Variants in PRKG1 observed in about 807,000 individuals in gnomAD.
The protein encoded by PRKG1 is protein kinase cGMP-dependent 1, also known as cGMP-dependent protein kinase 1.
Under a neutral mutation model 88.1 loss-of-function variants are expected in PRKG1, and 35 were observed. The observed-to-expected ratio is 0.40, with a 90% confidence interval of 0.30 to 0.53. The LOEUF (loss-of-function observed/expected upper bound fraction) is 0.53, where lower values mean the gene tolerates loss of function less well. Among genes scored for constraint, PRKG1 ranks in the 20% least tolerant of loss-of-function variants. The pLI, the probability that PRKG1 is intolerant of heterozygous loss-of-function variation, is 0.59. For synonymous variants in PRKG1, 303 were observed against 292.5 expected (o/e 1.04, Z -0.37); for missense variants, 540 against 839.8 (o/e 0.64, Z 4.41).
intron 12 of PRKG1, among the ~76,000 whole-genome samples, chr10:52,280,013 C>T (rs1415674634): frequency 6.6e-6 from 1 of 152,020 alleles, no homozygotes; most frequent in Non-Finnish European, 1.5e-5. Context: ...TTCAATCAAT[C>T]AATCAACATA....
At chr10:51,499,299 C>A (rs1351948486) in intron 3 of PRKG1, among the ~76,000 whole-genome samples, 1 of 152,132 alleles carries the variant, frequency 6.6e-6, no homozygotes, top group Non-Finnish European at 1.5e-5. Context: ...CAATACTTGG[C>A]ATTACCATAG....
chr10:52,076,158 G>A (rs1432219518), intron 7 of PRKG1, among the ~76,000 whole-genome samples: 1 of 152,122 alleles, frequency 6.6e-6, no homozygotes, highest in Non-Finnish European at 1.5e-5. Flanking sequence ...ATGGATCATG[G>A]ACCTAAATGT....
chr10:51,874,820 A>T (rs973083836), intron 4 of PRKG1, among the ~76,000 whole-genome samples: 2 of 152,150 alleles, frequency 1.3e-5, no homozygotes, highest in Admixed American at 1.3e-4. Context: ...TCTGAGCTTT[A>T]ATTTTCCCAC....
chr10:51,811,094 A>G (rs1839445016), intron 4 of PRKG1, among the ~76,000 whole-genome samples: 1 of 152,194 alleles, frequency 6.6e-6, no homozygotes, highest in Non-Finnish European at 1.5e-5. Context: ...CAGAGCTTAG[A>G]CTAAAACTCA....
chr10:51,036,815 C>A (rs953504947), intron 1 of PRKG1, among the ~76,000 whole-genome samples: 1 of 152,096 alleles, frequency 6.6e-6, no homozygotes, highest in Admixed American at 6.6e-5. Flanking sequence ...AGGGAAGGAA[C>A]CAATGTTTAG....
At chr10:51,930,431 A>G (rs1431219616) in intron 5 of PRKG1, among the ~76,000 whole-genome samples, 1 of 152,092 alleles carries the variant, frequency 6.6e-6, no homozygotes, top group African/African-American at 2.4e-5. Context: ...TAATTAGAAA[A>G]AAAGAATGCC....
At position 51,078,421 on chromosome 10, in the gene PRKG1, G is replaced by C. The variant is rs570069046; in HGVS notation, c.311+3520G>C. Among the ~76,000 whole-genome samples the C allele has an allele frequency of 6.2e-3, 906 of 145,748 alleles. 11 individuals carry two copies. Among genetic ancestry groups the C allele is most frequent in the African/African-American group, 0.022 (854 of 39,608 alleles). ...TTTTTTTTTTTTTTAGTAGAGATGG[G>C]GTTTCGCCATTTTGGCCAGGCTGAT... is the stretch of plus-strand genomic sequence containing the variant. On this transcript the variant is annotated intron_variant, in intron 1 of 17. Transcript: ENST00000373980.
chr10:51,718,800 G>A (rs1841945570), intron 3 of PRKG1, among the ~76,000 whole-genome samples: 1 of 151,492 alleles, frequency 6.6e-6, no homozygotes, highest in African/African-American at 2.4e-5. Context: ...CCAGGGGTGA[G>A]GGGAGTGGGG....
At chr10:52,219,426 A>G (rs1239078177) in intron 9 of PRKG1, among the ~76,000 whole-genome samples, 2 of 152,204 alleles carry the variant, frequency 1.3e-5, no homozygotes, top group Non-Finnish European at 2.9e-5. Context: ...CCAATGAGGT[A>G]GGATATAAAT....
intron 3 of PRKG1, among the ~76,000 whole-genome samples, chr10:51,513,578 T>C (rs79520812): frequency 0.43 from 28,508 of 65,724 alleles, 7,245 homozygotes; most frequent in Middle Eastern, 0.67. Flanking sequence ...TATTCCAAAA[T>C]TGACCACATA....
chr10:51,004,324 G>A (rs999678022), intron 1 of PRKG1, among the ~76,000 whole-genome samples: 22 of 152,058 alleles, frequency 1.4e-4, no homozygotes, highest in Admixed American at 4.6e-4. Flanking sequence ...TTATCCGGAC[G>A]TGGTGGTGCC....
At position 52,000,641 on chromosome 10, in the gene PRKG1, A is replaced by C. The variant is rs113542113; in HGVS notation, c.763-53843A>C. Among the ~76,000 whole-genome samples the C allele has an allele frequency of 3.9e-3, 587 of 152,162 alleles. 5 individuals carry two copies. The highest frequency in any genetic ancestry group is 0.013 in the African/African-American group (559 of 41,556). Reference sequence around the variant, plus strand: ...AGGACTGGACTTCTTATAACTTGACATCTTCTAACTGCTTCTCTTCTTCTA... The same window carrying C: ...AGGACTGGACTTCTTATAACTTGACCTCTTCTAACTGCTTCTCTTCTTCTA... On this transcript the variant is annotated intron_variant, in intron 5 of 17. Transcript: ENST00000373980.
chr10:51,886,018 C>A (rs762814943), intron 4 of PRKG1, among the ~76,000 whole-genome samples: 1 of 152,128 alleles, frequency 6.6e-6, no homozygotes, highest in Non-Finnish European at 1.5e-5. Flanking sequence ...GGTTTCTTTT[C>A]TTTTCTTTTA....
At chr10:51,135,926 G>A (rs1323279010) in intron 1 of PRKG1, among the ~76,000 whole-genome samples, 4 of 145,818 alleles carry the variant, frequency 2.7e-5, no homozygotes, top group Non-Finnish European at 3.0e-5. Context: ...AGGTAGCCAT[G>A]GACACAGGAA....
chr10:52,145,279 C>G (rs1837700377), intron 8 of PRKG1, among the ~76,000 whole-genome samples: 1 of 152,134 alleles, frequency 6.6e-6, no homozygotes. Context: ...TGAAACCTTA[C>G]TATATTTCTA....
chr10:51,993,835 A>T (rs1844371780), intron 5 of PRKG1, among the ~76,000 whole-genome samples: 1 of 152,116 alleles, frequency 6.6e-6, no homozygotes, highest in Admixed American at 6.6e-5. Flanking sequence ...CATTATCTCA[A>T]AACCACCTTT....
intron 3 of PRKG1, among the ~76,000 whole-genome samples, chr10:51,511,920 T>G (rs1046165003): frequency 2.6e-5 from 4 of 152,234 alleles, no homozygotes; most frequent in South Asian, 4.1e-4. Context: ...CTGTGGTGTA[T>G]TCATACACTG....
intron 2 of PRKG1, among the ~76,000 whole-genome samples, chr10:51,336,158 G>A (rs1331289562): frequency 6.6e-6 from 1 of 151,990 alleles, no homozygotes; most frequent in Non-Finnish European, 1.5e-5. Context: ...TTTGAGACCA[G>A]CCTGGCCAAC....
intron 3 of PRKG1, among the ~76,000 whole-genome samples, chr10:51,708,220 C>G (rs1589221519): frequency 1.3e-5 from 2 of 152,112 alleles, no homozygotes; most frequent in Non-Finnish European, 2.9e-5. Context: ...AGTGTCCTCG[C>G]GTCACCTGCT....
Sources: allele counts gnomAD v4.1 joint callset (sites outside exome capture counted in the v4.1 genomes callset), GRCh38; gene constraint gnomAD v4.1.1; transcripts MANE v1.5; gene names NCBI Gene and HGNC (gene_info 2026-07-23, HGNC 2026-07-21).